ADK: variants seen among roughly 807,000 people sequenced by gnomAD.
ADK encodes the protein N6,N6-dimethyladenosine kinase.
Under a neutral mutation model 44.7 loss-of-function variants are expected in ADK, and 24 were observed. The ratio of observed to expected loss-of-function variants is 0.54; its 90% CI spans 0.39 to 0.76. The LOEUF is 0.76. Ranked by LOEUF, ADK falls within the 30% of genes least tolerant of loss-of-function variation. The pLI, the probability that ADK is intolerant of heterozygous loss-of-function variation, is 0.00. For synonymous variants in ADK, 128 were observed against 142.6 expected, an observed-to-expected ratio of 0.90 and a Z score of 0.73; for missense variants, 321 against 425.1, an observed-to-expected ratio of 0.76 and a Z score of 2.15.
At chr10:74,427,118 A>G (rs911717637) in intron 6 of ADK, among the ~76,000 whole-genome samples, 3 of 152,240 alleles carry the variant, frequency 2.0e-5, no homozygotes, top group Non-Finnish European at 4.4e-5. Context: ...AGATTCAACT[A>G]TATGTCCTTA....
At chr10:74,336,568 A>T (rs11598232) in intron 4 of ADK, among the ~76,000 whole-genome samples, 73,464 of 151,948 alleles carry the variant, frequency 0.48, 20,185 homozygotes, top group Non-Finnish European at 0.62. Flanking sequence ...TTAGGTTTTC[A>T]ATATGCAGGG....
intron 6 of ADK, among the ~76,000 whole-genome samples, chr10:74,426,092 G>A (rs535237960): frequency 4.6e-5 from 7 of 152,178 alleles, no homozygotes; most frequent in African/African-American, 1.7e-4. Context: ...CATTTTATGT[G>A]CATGTATGTC....
At chr10:74,652,053 T>C (rs2134135454) in intron 9 of ADK, among the ~76,000 whole-genome samples, 1 of 150,476 alleles carries the variant, frequency 6.6e-6, no homozygotes, top group Admixed American at 6.6e-5. Flanking sequence ...TTTCTTTCTT[T>C]TTTTTTTTTT....
chr10:74,655,686 T>C, intron 9 of ADK: 1 of 473,552 alleles, frequency 2.1e-6, no homozygotes, highest in Non-Finnish European at 4.2e-6. Flanking sequence ...GAAGGACATA[T>C]CCGTGGCAGA....
In ADK at chr10:74,644,463, C is replaced by T. The variant is rs751466371; in HGVS notation, c.878-25720C>T. Among the ~76,000 whole-genome samples, 6 of 152,154 alleles carry T rather than the reference C, an allele frequency of 3.9e-5. 1 individual carries two copies. Among genetic ancestry groups the T allele is most frequent in the Non-Finnish European group, 8.8e-5 (6 of 68,028 alleles). The stretch of plus-strand genomic sequence containing the variant: ...GAAAGGTCTCAATTTAGGATTTAAA[C>T]CAAGTATAAACAAAAAGTTAAAACA... On this transcript the variant is annotated intron_variant, in intron 9 of 10. Coordinates refer to ENST00000539909, the MANE Select transcript of ADK (RefSeq NM_006721.4).
intron 10 of ADK, 92 bp from the exon 11 acceptor site, chr10:74,708,229 C>A: frequency 7.4e-7 from 1 of 1,356,742 alleles, no homozygotes; most frequent in Non-Finnish European, 1.0e-6. Flanking sequence ...AAGAATGAGA[C>A]AGGTGCTTAG....
chr10:74,501,086 A>G (rs181768190), intron 6 of ADK, among the ~76,000 whole-genome samples: 3 of 152,354 alleles, frequency 2.0e-5, no homozygotes, highest in Admixed American at 1.3e-4. Flanking sequence ...TGATACTTTC[A>G]TAGAAATAAA....
chr10:74,191,314 GT>G (rs551012623), intron 1 of ADK, among the ~76,000 whole-genome samples: 2 of 151,754 alleles, frequency 1.3e-5, no homozygotes, highest in African/African-American at 2.4e-5. Context: ...GTTCTTGTTG[GT>G]TTTATGGAAG....
chr10:74,208,064 T>C (rs1460645040), intron 2 of ADK, among the ~76,000 whole-genome samples: 1 of 152,238 alleles, frequency 6.6e-6, no homozygotes, highest in East Asian at 1.9e-4. Context: ...TGCTGGGTTG[T>C]GACAGTGCCT....
In ADK at chr10:74,568,021, C is replaced by T. The variant is rs574455261; in HGVS notation, c.727-21261C>T. On this transcript the variant is annotated intron_variant, in intron 7 of 10. Transcript: ENST00000539909. ...GCCCTATTCTCTCTCTTTTTAATTC[C>T]AATTACAGTGTAGTACAAGCTTGTC... 2.0e-5 allele frequency among the ~76,000 whole-genome samples: 3 copies of T among 152,142 alleles called. No individual in the cohort carries two copies. In the South Asian group the frequency reaches 6.2e-4, roughly 32 times the overall value.
At chr10:74,208,801 A>G (rs777497330) in intron 2 of ADK, among the ~76,000 whole-genome samples, 23 of 151,656 alleles carry the variant, frequency 1.5e-4, no homozygotes, top group Non-Finnish European at 2.9e-4. Flanking sequence ...CAGTGGCGCA[A>G]TCTCAGCTCA....
intron 6 of ADK, among the ~76,000 whole-genome samples, chr10:74,458,404 G>T (rs1313631659): frequency 2.0e-5 from 3 of 149,768 alleles, no homozygotes; most frequent in Non-Finnish European, 4.4e-5. Flanking sequence ...TTGCCAACGT[G>T]TTGGGATTAC....
chr10:74,700,745 G>A (rs1307488957), intron 10 of ADK, among the ~76,000 whole-genome samples: 2 of 152,186 alleles, frequency 1.3e-5, no homozygotes, highest in African/African-American at 4.8e-5. Context: ...TAAAGGGATG[G>A]TGAGGAGGAC....
intron 7 of ADK, among the ~76,000 whole-genome samples, chr10:74,558,380 T>G (rs1481828565): frequency 6.6e-6 from 1 of 152,036 alleles, no homozygotes; most frequent in East Asian, 1.9e-4. Context: ...TTCTATCTGG[T>G]GGGTATGCTG....
chr10:74,616,027 A>C (rs1211026465), intron 9 of ADK, among the ~76,000 whole-genome samples: 2 of 151,982 alleles, frequency 1.3e-5, no homozygotes, highest in African/African-American at 4.8e-5. Context: ...TGGCATTTGG[A>C]TATCATCTTT....
rs910410829 is a variant in ADK at position 74,589,553 on chromosome 10, G to A, written c.762+236G>A. Among the ~76,000 whole-genome samples the A allele has an allele frequency of 6.6e-5, 10 of 152,128 alleles. No homozygotes were observed. In the East Asian group the frequency reaches 1.4e-3, roughly 21 times the overall value. ...GATGTTATTTATTGAATTTTGAAAAGCCTCTTGGGAAGCCAAGAGGTTGGG... is the reference window on the plus strand; with the variant it reads ...GATGTTATTTATTGAATTTTGAAAAACCTCTTGGGAAGCCAAGAGGTTGGG... On this transcript the variant is annotated intron_variant, in intron 8 of 10. Transcript: ENST00000539909.
chr10:74,383,230 A>T (rs1361627942), intron 4 of ADK, among the ~76,000 whole-genome samples: 1 of 152,132 alleles, frequency 6.6e-6, no homozygotes, highest in African/African-American at 2.4e-5. Flanking sequence ...TGTTAATGAT[A>T]CCTCTAGATA....
intron 4 of ADK, among the ~76,000 whole-genome samples, chr10:74,366,464 C>T (rs1842502655): frequency 6.6e-6 from 1 of 152,112 alleles, no homozygotes; most frequent in Non-Finnish European, 1.5e-5. Context: ...CTTTTTAACA[C>T]TTCCAAACAA....
chr10:74,705,394 A>G (rs571552733), intron 10 of ADK, among the ~76,000 whole-genome samples: 1 of 152,046 alleles, frequency 6.6e-6, no homozygotes, highest in Non-Finnish European at 1.5e-5. Context: ...TCACAGTTTT[A>G]TTGTGGCATA....
Sources: gnomAD v4.1 joint callset for allele counts (sites outside exome capture counted in the v4.1 genomes callset) on GRCh38, gnomAD v4.1.1 for gene constraint, MANE v1.5 for transcripts, NCBI Gene and HGNC (gene_info 2026-07-23, HGNC 2026-07-21) for gene names.